The following OLA1 variants were observed in gnomAD, a reference collection of about 807,000 sequenced individuals.
The protein encoded by OLA1 is obg-like ATPase 1.
Under a neutral mutation model 48.4 loss-of-function variants are expected in OLA1, and 14 were observed. The observed-to-expected ratio is 0.29, with a 90% CI of 0.19 to 0.45. OLA1 has a LOEUF of 0.45. OLA1 is among the 20% of genes least tolerant of loss of function. The pLI is 1.00. For synonymous variants in OLA1, 127 were observed against 150.4 expected, an observed-to-expected ratio of 0.84 and a Z score of 1.14; for missense variants, 325 against 467.1, an observed-to-expected ratio of 0.70 and a Z score of 2.80.
chr2:174,175,903 CATT>C (rs1345597838), intron 4 of OLA1, among the ~76,000 whole-genome samples: 1 of 151,774 alleles, frequency 6.6e-6, no homozygotes, highest in Non-Finnish European at 1.5e-5. Context: ...ATATCAAAAA[CATT>C]ATGCTAGATC....
intron 7 of OLA1, among the ~76,000 whole-genome samples, chr2:174,108,916 T>C (rs964087353): frequency 6.6e-6 from 1 of 152,202 alleles, no homozygotes; most frequent in Admixed American, 6.5e-5. Flanking sequence ...GTGTTCACCA[T>C]AATGGTGGTT....
intron 4 of OLA1, among the ~76,000 whole-genome samples, chr2:174,220,430 C>T (rs143182628): frequency 2.4e-3 from 364 of 152,302 alleles, no homozygotes; most frequent in Non-Finnish European, 4.0e-3. Context: ...ACACTGCATA[C>T]TCACACACAT....
At chr2:174,189,772 G>A (rs1687734103) in intron 4 of OLA1, among the ~76,000 whole-genome samples, 1 of 150,234 alleles carries the variant, frequency 6.7e-6, no homozygotes, top group South Asian at 2.1e-4. Context: ...TCCCATTTTT[G>A]TAAATCTATC....
chr2:174,175,775 G>A (rs143834077), intron 4 of OLA1, among the ~76,000 whole-genome samples: 186 of 151,912 alleles, frequency 1.2e-3, no homozygotes, highest in South Asian at 0.01. Flanking sequence ...CAAATAATTC[G>A]TAACAATAAA....
At chr2:174,198,328 A>G (rs1687923784) in intron 4 of OLA1, among the ~76,000 whole-genome samples, 1 of 152,226 alleles carries the variant, frequency 6.6e-6, no homozygotes, top group African/African-American at 2.4e-5. Context: ...AATTAATGTC[A>G]TTTACATGCA....
At chr2:174,155,876 C>A (rs1369238334) in intron 4 of OLA1, among the ~76,000 whole-genome samples, 1 of 152,044 alleles carries the variant, frequency 6.6e-6, no homozygotes, top group Admixed American at 6.6e-5. Context: ...AGAAGAAATT[C>A]CAGCAGGATG....
chr2:174,128,736 C>CAAAA (rs55808846), intron 5 of OLA1, among the ~76,000 whole-genome samples: 1 of 131,156 alleles, frequency 7.6e-6, no homozygotes, highest in Non-Finnish European at 1.6e-5. Context: ...AAACTTGTCT[C>CAAAA]AAAAAAAAAA....
chr2:174,123,450 A>C (rs1181840917), intron 6 of OLA1, 145 bp downstream of exon 6: 2 of 619,316 alleles, frequency 3.2e-6, no homozygotes, highest in East Asian at 3.0e-5. Flanking sequence ...GGAAAAGAAA[A>C]AAATAACAAG....
intron 7 of OLA1, among the ~76,000 whole-genome samples, chr2:174,122,804 T>C (rs924894880): frequency 1.3e-5 from 2 of 149,076 alleles, no homozygotes; most frequent in Non-Finnish European, 3.0e-5. Context: ...CAACCCCAGG[T>C]GGGTATTTTA....
chr2:174,133,760 ATTCT>A (rs969473622), intron 5 of OLA1, among the ~76,000 whole-genome samples: 1 of 151,586 alleles, frequency 6.6e-6, no homozygotes. Context: ...CCAATCTGAC[ATTCT>A]TTGTCTTTTT....
At chr2:174,196,511 C>T (rs1558999895) in intron 4 of OLA1, among the ~76,000 whole-genome samples, 1 of 152,162 alleles carries the variant, frequency 6.6e-6, no homozygotes, top group Non-Finnish European at 1.5e-5. Flanking sequence ...ATTAAGTAAA[C>T]AAATTCAGTT....
intron 10 of OLA1, among the ~76,000 whole-genome samples, chr2:174,077,125 G>C (rs1223389865): frequency 6.6e-6 from 1 of 152,054 alleles, no homozygotes; most frequent in African/African-American, 2.4e-5. Context: ...TCTTGAGTAT[G>C]TATTAAACAA....
intron 7 of OLA1, among the ~76,000 whole-genome samples, chr2:174,117,892 C>T (rs1685820922): frequency 6.6e-6 from 1 of 152,166 alleles, no homozygotes; most frequent in Non-Finnish European, 1.5e-5. Context: ...TCACCAACTA[C>T]TAAACTCCTG....
chr2:174,212,005 A>G (rs1051366985), intron 4 of OLA1, among the ~76,000 whole-genome samples: 3 of 151,062 alleles, frequency 2.0e-5, no homozygotes, highest in Admixed American at 6.6e-5. Context: ...TACAAAGGCA[A>G]ACAGTGCTGT....
chr2:174,094,401 G>A (rs547595629), intron 7 of OLA1, among the ~76,000 whole-genome samples: 5 of 152,160 alleles, frequency 3.3e-5, no homozygotes, highest in South Asian at 4.2e-4. Flanking sequence ...TCAAAATCCC[G>A]GATTTTTTCC....
At chr2:174,196,829 A>G (rs898187739) in intron 4 of OLA1, among the ~76,000 whole-genome samples, 3 of 152,230 alleles carry the variant, frequency 2.0e-5, no homozygotes, top group African/African-American at 7.2e-5. Context: ...ATAATCTTTG[A>G]ATAACTAAAA....
intron 2 of OLA1, among the ~76,000 whole-genome samples, chr2:174,240,741 C>T (rs969860381): frequency 6.6e-6 from 1 of 152,100 alleles, no homozygotes; most frequent in Non-Finnish European, 1.5e-5. Context: ...AATGAAAATA[C>T]TCAGATCATC....
chr2:174,233,786 A>G (rs549496697), intron 2 of OLA1, among the ~76,000 whole-genome samples: 12 of 152,360 alleles, frequency 7.9e-5, no homozygotes, highest in Admixed American at 7.8e-4. Context: ...TTTGAAGGTC[A>G]GGAAAAATAA....
At chr2:174,190,392 C>G (rs893941635) in intron 4 of OLA1, among the ~76,000 whole-genome samples, 2 of 152,052 alleles carry the variant, frequency 1.3e-5, no homozygotes, top group Admixed American at 1.3e-4. Context: ...AAAATCATCT[C>G]CATTTCACAT....
Sources: allele counts gnomAD v4.1 joint callset (sites outside exome capture counted in the v4.1 genomes callset), GRCh38; gene constraint gnomAD v4.1.1; transcripts MANE v1.5; gene names NCBI Gene and HGNC (gene_info 2026-07-23, HGNC 2026-07-21).